PLD5: variants seen among roughly 807,000 people sequenced by gnomAD.
PLD5 encodes the protein phospholipase D family member 5.
PLD5 carries 36 observed loss-of-function variants against 61.1 expected under a neutral mutation model. The observed-to-expected ratio is 0.59, with a 90% CI of 0.45 to 0.78. PLD5 has a LOEUF of 0.78. Ranked by LOEUF, PLD5 falls within the 30% of genes least tolerant of loss-of-function variation. PLD5 has a pLI of 0.00. For synonymous variants in PLD5, 243 were observed against 242.8 expected (o/e 1.00, Z -0.01); for missense variants, 515 against 644.4 (o/e 0.80, Z 2.17).
intron 2 of PLD5, among the ~76,000 whole-genome samples, chr1:242,300,796 A>G (rs185970150): frequency 5.9e-5 from 9 of 152,298 alleles, no homozygotes; most frequent in Admixed American, 2.0e-4. Flanking sequence ...CCGCTGCGAT[A>G]GCATGGAGCC....
chr1:242,457,313 G>C, intron 1 of PLD5, among the ~76,000 whole-genome samples: 1 of 152,052 alleles, frequency 6.6e-6, no homozygotes, highest in East Asian at 1.9e-4. Context: ...AAAAAGAGGG[G>C]GATAAGGAGT....
chr1:242,526,341 G>A (rs1240578487), upstream of PLD5, among the ~76,000 whole-genome samples: 3 of 152,204 alleles, frequency 2.0e-5, no homozygotes, highest in Non-Finnish European at 4.4e-5. Context: ...AGCCGATATC[G>A]CACTGCACCC....
intron 2 of PLD5, among the ~76,000 whole-genome samples, chr1:242,337,656 C>A (rs1374206675): frequency 2.0e-5 from 3 of 152,116 alleles, no homozygotes; most frequent in South Asian, 2.1e-4. Context: ...GCAAGCAAAT[C>A]ATATAATACC....
rs1477427642 is a variant in PLD5, at chr1:242,083,981, T to A, written c.*5873A>T. ...TTTCCGCCCATGGGGAATAGGAGAG[T>A]CCATAAGGGAATTAATAATTTTTTA... On this transcript the variant is annotated 3_prime_UTR_variant, in exon 10 of 10. Coordinates refer to ENST00000536534, the MANE Select transcript of PLD5 (RefSeq NM_001372062.1). 1 of 151,992 alleles carries A rather than the reference T, an allele frequency of 6.6e-6. No homozygotes were observed. The highest frequency in any genetic ancestry group is 1.5e-5 in the Non-Finnish European group (1 of 67,984). 9.4% of individuals were successfully genotyped at this position (151,992 alleles called of 1,614,324 possible).
In PLD5 at chr1:242,393,548, GTA is replaced by G. The variant is rs1243875566; in HGVS notation, c.190-45308_190-45307del. ...TGTATATATGTGAGTATATATATGTGTATATATATGAGTATATATGTGTATAT... is the reference window on the plus strand; with the variant it reads ...TGTATATATGTGAGTATATATATGTGTATATATGAGTATATATGTGTATAT... On this transcript the variant is annotated intron_variant, in intron 1 of 9. Transcript: ENST00000536534. Among the ~76,000 whole-genome samples, 60 of 89,066 alleles carry G rather than the reference GTA, an allele frequency of 6.7e-4. 19 individuals carry two copies. The highest frequency in any genetic ancestry group is 2.7e-3 in the African/African-American group (52 of 19,518). The allele number at this position is 89,066 out of a possible 152,430, so 58.4% of individuals were successfully genotyped here.
intron 1 of PLD5, among the ~76,000 whole-genome samples, chr1:242,507,174 A>G (rs1340710123): frequency 6.6e-6 from 1 of 152,244 alleles, no homozygotes; most frequent in Non-Finnish European, 1.5e-5. Context: ...CAAATTTTAA[A>G]ACACACACAT....
At chr1:242,106,694 T>G (rs920640647) in intron 8 of PLD5, among the ~76,000 whole-genome samples, 1 of 152,208 alleles carries the variant, frequency 6.6e-6, no homozygotes, top group African/African-American at 2.4e-5. Context: ...TTGGAAGCCA[T>G]GTGTCAAAGT....
chr1:242,311,978 T>A (rs938744737), intron 2 of PLD5, among the ~76,000 whole-genome samples: 1 of 151,920 alleles, frequency 6.6e-6, no homozygotes, highest in Non-Finnish European at 1.5e-5. Context: ...CTTTCTTCTG[T>A]CTATTCAAGA....
chr1:242,163,309 A>C (rs562572662), intron 5 of PLD5, among the ~76,000 whole-genome samples: 1 of 151,802 alleles, frequency 6.6e-6, no homozygotes, highest in East Asian at 1.9e-4. Context: ...ACGCCCGGCT[A>C]ATTTTTTGTA....
intron 9 of PLD5, among the ~76,000 whole-genome samples, chr1:242,097,849 A>G (rs994452790): frequency 6.6e-6 from 1 of 152,168 alleles, no homozygotes; most frequent in African/African-American, 2.4e-5. Context: ...GGTATTGCCT[A>G]GGTTTTCTTC....
chr1:242,328,981 T>C (rs1288882545), intron 2 of PLD5, among the ~76,000 whole-genome samples: 2 of 149,778 alleles, frequency 1.3e-5, no homozygotes, highest in Non-Finnish European at 3.0e-5. Flanking sequence ...TCTTCAATCA[T>C]TTTTTTTCCT....
intron 5 of PLD5, among the ~76,000 whole-genome samples, chr1:242,135,215 A>G (rs573804014): frequency 6.6e-6 from 1 of 152,310 alleles, no homozygotes; most frequent in Non-Finnish European, 1.5e-5. Flanking sequence ...ATATCTGCAC[A>G]TAAATATATA....
At chr1:242,369,730 A>C (rs955835491) in intron 1 of PLD5, among the ~76,000 whole-genome samples, 2 of 152,170 alleles carry the variant, frequency 1.3e-5, no homozygotes, top group Admixed American at 1.3e-4. Context: ...CTCTTATAGC[A>C]ATGAGAAAGA....
chr1:242,479,211 G>A (rs1181498771), intron 1 of PLD5, among the ~76,000 whole-genome samples: 1 of 152,128 alleles, frequency 6.6e-6, no homozygotes, highest in Non-Finnish European at 1.5e-5. Flanking sequence ...GAATGCAATA[G>A]GCACAAAACT....
chr1:242,332,698 T>G (rs12119412), intron 2 of PLD5, among the ~76,000 whole-genome samples: 8,871 of 152,318 alleles, frequency 0.058, 321 homozygotes, highest in Middle Eastern at 0.099. Flanking sequence ...AAAGAGCTTT[T>G]ACATCAAGTG....
At chr1:242,513,425 A>AG (rs1333565486) in intron 1 of PLD5, among the ~76,000 whole-genome samples, 2 of 122,970 alleles carry the variant, frequency 1.6e-5, no homozygotes, top group Non-Finnish European at 3.4e-5. Context: ...CATTGAGGGC[A>AG]GAGATAGACA....
rs370851749 is a variant in PLD5, at chr1:242,131,178, T to C, written c.736-6513A>G. On this transcript the variant is annotated intron_variant, in intron 5 of 9. Coordinates refer to ENST00000536534, the MANE Select transcript of PLD5 (RefSeq NM_001372062.1). ...AAAATTAGCTGGGCATGGTGGCTTG[T>C]GCCTGTAATCCCAGCTACTTGGGAG... Among the ~76,000 whole-genome samples, 57 of 152,158 alleles carry C rather than the reference T, an allele frequency of 3.7e-4. No homozygotes were observed. The East Asian group carries it at 9.5e-3, about 25-fold the overall frequency.
chr1:242,089,865 G>T lies in PLD5; in HGVS notation c.1600C>A (p.Arg534=). 6.2e-7 allele frequency: 1 copy of T among 1,614,078 alleles called. No homozygotes were observed. Among genetic ancestry groups the T allele is most frequent in the Non-Finnish European group, 8.5e-7 (1 of 1,180,034 alleles). ...GTTTCTTCATCATGTTATACGTTCC[G>T]GGGATCCTTTCCGCCTGTGTCGTCT... The part of the protein sequence containing the change: ...ATDDTGGKDP[R]NV Residue 534 remains arginine (R), a synonymous_variant, in exon 10 of 10, where the codon CGG becomes AGG. Transcript: ENST00000536534.
At chr1:242,464,663 T>C (rs1028353778) in intron 1 of PLD5, among the ~76,000 whole-genome samples, 1 of 152,196 alleles carries the variant, frequency 6.6e-6, no homozygotes, top group Non-Finnish European at 1.5e-5. Flanking sequence ...TCTAGGTATA[T>C]ACCCCAAAGA....
Sources: allele counts gnomAD v4.1 joint callset (sites outside exome capture counted in the v4.1 genomes callset), GRCh38; gene constraint gnomAD v4.1.1; transcripts MANE v1.5; gene names NCBI Gene and HGNC (gene_info 2026-07-23, HGNC 2026-07-21).